The following VPS13A variants were observed in gnomAD, a reference collection of about 807,000 sequenced individuals.
VPS13A encodes vacuolar protein sorting 13 homolog A.
VPS13A carries 264 observed loss-of-function variants against 390.9 expected under a neutral mutation model. The ratio of observed to expected loss-of-function variants is 0.68; its 90% CI spans 0.61 to 0.75. The LOEUF is 0.75. VPS13A is among the 30% of genes least tolerant of loss of function. VPS13A has a pLI of 0.00. For synonymous variants in VPS13A, 1,231 were observed against 1,227.1 expected (o/e 1.00, Z -0.07); for missense variants, 3,409 against 3,733.9 (o/e 0.91, Z 2.27).
intron 68 of VPS13A, among the ~76,000 whole-genome samples, chr9:77,388,909 A>G (rs1430325927): frequency 6.6e-6 from 1 of 152,200 alleles, no homozygotes; most frequent in African/African-American, 2.4e-5. Context: ...CTGCATTTCT[A>G]GGGAAAAAGC....
At chr9:77,414,349 A>T (rs1198041043) in intron 71 of VPS13A, among the ~76,000 whole-genome samples, 1 of 152,170 alleles carries the variant, frequency 6.6e-6, no homozygotes, top group East Asian at 1.9e-4. Flanking sequence ...CAAATGTCCA[A>T]CAATGATAGA....
At chr9:77,351,045 A>T in intron 52 of VPS13A, 1 of 352,146 alleles carries the variant, frequency 2.8e-6, no homozygotes, top group Non-Finnish European at 5.4e-6. Flanking sequence ...TTCCATAATT[A>T]ATTTGTATTA....
intron 23 of VPS13A, among the ~76,000 whole-genome samples, chr9:77,271,781 A>G (rs184330095): frequency 6.6e-6 from 1 of 152,300 alleles, no homozygotes; most frequent in East Asian, 1.9e-4. Context: ...CCTAACAACT[A>G]CATTATAAAA....
intron 45 of VPS13A, among the ~76,000 whole-genome samples, chr9:77,326,876 A>G (rs897943864): frequency 2.0e-5 from 3 of 152,138 alleles, no homozygotes; most frequent in Non-Finnish European, 2.9e-5. Context: ...TGTCCTGATC[A>G]TTACTCAGCT....
At chr9:77,196,382 T>C (rs544940103) in intron 1 of VPS13A, among the ~76,000 whole-genome samples, 2 of 152,302 alleles carry the variant, frequency 1.3e-5, no homozygotes, top group South Asian at 4.1e-4. Flanking sequence ...AATACAGTAT[T>C]GTTAACCATA....
rs532361843 is a variant in VPS13A, at chr9:77,312,484, T to C, written c.4115-1508T>C. Among the ~76,000 whole-genome samples, 3 of 151,946 alleles carry C rather than the reference T, an allele frequency of 2.0e-5. No homozygotes were observed. In the South Asian group the frequency reaches 6.3e-4, roughly 32 times the overall value. Reference sequence around the variant, plus strand: ...CTTTGTCACCCAGGCTGGAGTGCAGTGGTGTGGTCTCAGCTCACTGCAAGC... The same window carrying C: ...CTTTGTCACCCAGGCTGGAGTGCAGCGGTGTGGTCTCAGCTCACTGCAAGC... On this transcript the variant is annotated intron_variant, in intron 35 of 71. Transcript: ENST00000360280.
intron 34 of VPS13A, among the ~76,000 whole-genome samples, chr9:77,304,639 TTGAAAA>T (rs1025974645): frequency 1.3e-5 from 2 of 152,368 alleles, no homozygotes; most frequent in East Asian, 1.9e-4. Flanking sequence ...AATTCATAAG[TTGAAAA>T]TGAAAATGGC....
intron 52 of VPS13A, 78 bp downstream of exon 52, chr9:77,345,220 TAA>T (rs750478675): frequency 2.0e-6 from 3 of 1,473,752 alleles, no homozygotes; most frequent in Non-Finnish European, 2.8e-6. Flanking sequence ...GATAATTTCT[TAA>T]GAGTATAAAC....
chr9:77,319,164 C>G (rs561472231), intron 41 of VPS13A, among the ~76,000 whole-genome samples: 2 of 146,638 alleles, frequency 1.4e-5, no homozygotes, highest in African/African-American at 5.1e-5. Context: ...CCACTGCACT[C>G]CAGCCTGGGG....
At chr9:77,392,984 G>T (rs1249501645) in intron 68 of VPS13A, among the ~76,000 whole-genome samples, 1 of 151,970 alleles carries the variant, frequency 6.6e-6, no homozygotes, top group East Asian at 1.9e-4. Flanking sequence ...TTCCTTTCAC[G>T]AAAGATTTAT....
intron 23 of VPS13A, among the ~76,000 whole-genome samples, chr9:77,268,012 T>TC (rs953691754): frequency 1.3e-5 from 2 of 152,046 alleles, no homozygotes; most frequent in African/African-American, 2.4e-5. Context: ...TGATTCCCGC[T>TC]CCCCCCACCA....
In VPS13A at chr9:77,223,025, G is replaced by C. The variant is rs761586407; in HGVS notation, c.1161+1669G>C. On this transcript the variant is annotated intron_variant, in intron 13 of 71. Transcript: ENST00000360280. ...CCTCACTTCCATTTTCTCTATGTCA[G>C]TTTCCTTTTTCTGTCCATAAATCTT... is the stretch of plus-strand genomic sequence containing the variant. Among the ~76,000 whole-genome samples, 48 of 152,272 alleles carry C rather than the reference G, an allele frequency of 3.2e-4. 1 individual carries two copies. The highest frequency in any genetic ancestry group is 1.1e-3 in the African/African-American group (47 of 41,570).
In VPS13A at chr9:77,351,299, T is replaced by A; in HGVS notation, c.7290-18T>A. On this transcript the variant is annotated intron_variant, in intron 52 of 71. Transcript: ENST00000360280. ...GTACTTGCATTTAATTTAACGCGTA[T>A]TTTTGCTACTGTGTCAGTTCTCTCA... The A allele has an allele frequency of 6.2e-7, 1 of 1,612,204 alleles. No individual in the cohort carries two copies. Among genetic ancestry groups the A allele is most frequent in the Admixed American group, 1.7e-5 (1 of 59,974 alleles).
chr9:77,272,899 A>G (rs1343710284), intron 23 of VPS13A, among the ~76,000 whole-genome samples: 2 of 152,190 alleles, frequency 1.3e-5, no homozygotes, highest in Admixed American at 6.5e-5. Context: ...TTCCTGAAAT[A>G]CCTTTCAGAG....
intron 61 of VPS13A, among the ~76,000 whole-genome samples, 198 bp downstream of exon 61, chr9:77,367,070 T>C (rs1237296355): frequency 6.6e-6 from 1 of 152,178 alleles, no homozygotes; most frequent in Non-Finnish European, 1.5e-5. Flanking sequence ...TACAGAATTA[T>C]TAAACAATTT....
intron 31 of VPS13A, among the ~76,000 whole-genome samples, chr9:77,286,998 CT>C (rs1473595878): frequency 2.6e-5 from 4 of 151,936 alleles, no homozygotes; most frequent in African/African-American, 7.3e-5. Flanking sequence ...TCGAGCAAAT[CT>C]GTTCTGTTGA....
intron 1 of VPS13A, among the ~76,000 whole-genome samples, chr9:77,181,669 T>C (rs901615737): frequency 1.3e-5 from 2 of 152,230 alleles, no homozygotes; most frequent in African/African-American, 4.8e-5. Context: ...ATTAGCATGT[T>C]ACTATAATAG....
At chr9:77,191,896 C>G (rs151276838) in intron 1 of VPS13A, among the ~76,000 whole-genome samples, 7 of 152,046 alleles carry the variant, frequency 4.6e-5, no homozygotes, top group Non-Finnish European at 1.0e-4. Flanking sequence ...TCTGTTAGGT[C>G]CATTTGGTGA....
chr9:77,192,752 C>T (rs1299869340), intron 1 of VPS13A, among the ~76,000 whole-genome samples: 1 of 152,128 alleles, frequency 6.6e-6, no homozygotes, highest in Non-Finnish European at 1.5e-5. Flanking sequence ...CCTACCCCTT[C>T]TCTCTAGCTC....
Sources: gnomAD v4.1 joint callset for allele counts (sites outside exome capture counted in the v4.1 genomes callset) on GRCh38, gnomAD v4.1.1 for gene constraint, MANE v1.5 for transcripts, NCBI Gene and HGNC (gene_info 2026-07-23, HGNC 2026-07-21) for gene names.